SHTN1: variants seen among roughly 807,000 people sequenced by gnomAD.
The protein encoded by SHTN1 is shootin 1.
SHTN1 carries 42 observed loss-of-function variants against 83.1 expected under a neutral mutation model. That is an observed-to-expected ratio of 0.51 (90% CI 0.39 to 0.65). SHTN1 has a LOEUF of 0.65. Among genes scored for constraint, SHTN1 ranks in the 30% least tolerant of loss-of-function variants. The pLI, the probability that SHTN1 is intolerant of heterozygous loss-of-function variation, is 0.00. For missense variants in SHTN1, 622 were observed against 737.8 expected, an observed-to-expected ratio of 0.84 and a Z score of 1.82; for synonymous variants, 224 against 247.7, an observed-to-expected ratio of 0.90 and a Z score of 0.90.
intron 1 of SHTN1, among the ~76,000 whole-genome samples, chr10:117,057,551 T>C (rs1422887741): frequency 6.6e-6 from 1 of 152,162 alleles, no homozygotes; most frequent in Admixed American, 6.5e-5. Context: ...CTCCTTCCCT[T>C]TTCCCTTCAT....
chr10:117,043,754 A>G (rs1395428239), intron 2 of SHTN1, among the ~76,000 whole-genome samples: 2 of 151,952 alleles, frequency 1.3e-5, no homozygotes, highest in African/African-American at 4.8e-5. Flanking sequence ...AGCTGGGAGT[A>G]TCACTTGGGC....
At chr10:117,021,404 G>A (rs184215627) in intron 2 of SHTN1, among the ~76,000 whole-genome samples, 12 of 152,158 alleles carry the variant, frequency 7.9e-5, no homozygotes, top group Admixed American at 3.9e-4. Context: ...ACTTCATCTC[G>A]AAATTATAAA....
At chr10:116,958,332 TC>T (rs1850057195) in intron 4 of SHTN1, among the ~76,000 whole-genome samples, 1 of 152,170 alleles carries the variant, frequency 6.6e-6, no homozygotes, top group Non-Finnish European at 1.5e-5. Context: ...TTTGATTTAA[TC>T]CATTTTTTAA....
At chr10:117,063,221 T>G (rs909801068) in intron 1 of SHTN1, among the ~76,000 whole-genome samples, 1 of 152,190 alleles carries the variant, frequency 6.6e-6, no homozygotes, top group Non-Finnish European at 1.5e-5. Flanking sequence ...ACATTTCCTG[T>G]TAGCCTTTAC....
chr10:117,038,927 G>T (rs908832336), intron 2 of SHTN1, among the ~76,000 whole-genome samples: 48 of 152,126 alleles, frequency 3.2e-4, no homozygotes, highest in African/African-American at 1.0e-3. Flanking sequence ...TTTGGAAGAC[G>T]GTTTGGTAGT....
rs756751313 is a variant in SHTN1, at chr10:117,010,870, GCAT to G, written c.-122-31565_-122-31563del. Among the ~76,000 whole-genome samples the G allele has an allele frequency of 2.6e-4, 39 of 152,312 alleles. No individual in the cohort carries two copies. The South Asian group carries it at 3.3e-3, about 13-fold the overall frequency. ...CAGAAAAGGCATTTGACAAAAGTCA[GCAT>G]CGTTTCACCATAAAAACTCTTAGCA... On this transcript the variant is annotated intron_variant, in intron 2 of 17. Transcript: ENST00000392901.
intron 3 of SHTN1, among the ~76,000 whole-genome samples, chr10:116,968,287 T>C (rs905886728): frequency 4.6e-5 from 7 of 152,166 alleles, no homozygotes; most frequent in African/African-American, 1.7e-4. Context: ...CAAAACTGAA[T>C]TTAAAACACG....
In SHTN1 at chr10:116,967,291, A is replaced by T. The variant is rs193293457; in HGVS notation, c.172+1361T>A. ...GATAAATAACAGATTTACATTACAT[A>T]AAAAAAATAGCAAAAATTTGGAAAG... is the stretch of plus-strand genomic sequence containing the variant. On this transcript the variant is annotated intron_variant, in intron 3 of 16. Transcript: ENST00000355371. Among the ~76,000 whole-genome samples, 599 of 152,092 alleles carry T rather than the reference A, an allele frequency of 3.9e-3. 1 individual carries two copies. The highest frequency in any genetic ancestry group is 0.013 in the African/African-American group (541 of 41,506).
chr10:117,000,513 T>C (rs1851785688), intron 1 of SHTN1, among the ~76,000 whole-genome samples: 1 of 152,206 alleles, frequency 6.6e-6, no homozygotes, highest in Non-Finnish European at 1.5e-5. Flanking sequence ...TTTTAAATAC[T>C]GTTAGCCCAA....
At chr10:117,042,952 A>G (rs1007239334) in intron 2 of SHTN1, among the ~76,000 whole-genome samples, 4 of 152,104 alleles carry the variant, frequency 2.6e-5, no homozygotes, top group African/African-American at 9.7e-5. Context: ...GCATTAATAA[A>G]CACAAATATT....
At chr10:117,076,791 G>A (rs1380456181) in intron 1 of SHTN1, among the ~76,000 whole-genome samples, 6 of 152,160 alleles carry the variant, frequency 3.9e-5, no homozygotes, top group African/African-American at 9.7e-5. Context: ...GCACTAATTT[G>A]TCCAAGGTCA....
intron 1 of SHTN1, among the ~76,000 whole-genome samples, chr10:117,070,249 A>G (rs533936014): frequency 6.6e-6 from 1 of 152,028 alleles, no homozygotes; most frequent in African/African-American, 2.4e-5. Context: ...CATTTTTTCT[A>G]TTCTTATGTG....
At chr10:116,932,360 A>G (rs1849002546) in intron 9 of SHTN1, among the ~76,000 whole-genome samples, 1 of 152,100 alleles carries the variant, frequency 6.6e-6, no homozygotes, top group East Asian at 1.9e-4. Context: ...AGAACCGCGA[A>G]CCCTATTGTG....
chr10:117,086,418 G>C (rs1437209465), intron 1 of SHTN1, among the ~76,000 whole-genome samples: 1 of 152,116 alleles, frequency 6.6e-6, no homozygotes, highest in Admixed American at 6.6e-5. Context: ...TCTTTTCATT[G>C]ATGTATTAGA....
chr10:116,923,014 T>C (rs9421259), intron 11 of SHTN1, among the ~76,000 whole-genome samples: 150,189 of 152,214 alleles, frequency 0.99, 74,125 homozygotes, highest in East Asian at 1. Context: ...AAGAGCAAGA[T>C]CACAATGATA....
chr10:117,060,055 T>A (rs1852877585), intron 1 of SHTN1, among the ~76,000 whole-genome samples: 1 of 151,912 alleles, frequency 6.6e-6, no homozygotes, highest in South Asian at 2.1e-4. Context: ...TAAAAAAAAT[T>A]TTTTTTAATT....
chr10:116,889,035 G>T (rs1847251979), intron 16 of SHTN1, among the ~76,000 whole-genome samples: 1 of 152,248 alleles, frequency 6.6e-6, no homozygotes, highest in Non-Finnish European at 1.5e-5. Context: ...CTTTCAGCAT[G>T]CAAAGGAGGT....
intron 9 of SHTN1, among the ~76,000 whole-genome samples, 161 bp from the exon 10 acceptor site, chr10:116,930,163 A>G (rs1848905317): frequency 6.6e-6 from 1 of 152,180 alleles, no homozygotes; most frequent in Admixed American, 6.5e-5. Context: ...CAATTAACAC[A>G]CAATCATAAA....
In SHTN1 at chr10:116,988,304, T is replaced by G. The variant is rs537190368; in HGVS notation, c.59-8996A>C. 5.4e-4 allele frequency among the ~76,000 whole-genome samples: 82 copies of G among 151,024 alleles called. 3 individuals are homozygous for G. The South Asian group carries it at 0.016, about 30-fold the overall frequency. On this transcript the variant is annotated intron_variant, in intron 1 of 16. Coordinates refer to ENST00000355371, the MANE Select transcript of SHTN1 (RefSeq NM_001127211.3). ...AAAAAGTCTTATTTATTTAAAAAGC[T>G]AATACACACACACACACACACACAA...
Sources: allele counts gnomAD v4.1 joint callset (sites outside exome capture counted in the v4.1 genomes callset), GRCh38; gene constraint gnomAD v4.1.1; transcripts MANE v1.5; gene names NCBI Gene and HGNC (gene_info 2026-07-23, HGNC 2026-07-21).